CCDC3: variants seen among roughly 807,000 people sequenced by gnomAD.
CCDC3 encodes the protein coiled-coil domain containing 3.
Under a neutral mutation model 21.4 loss-of-function variants are expected in CCDC3, and 24 were observed. The ratio of observed to expected loss-of-function variants is 1.12; its 90% CI spans 0.81 to 1.58. CCDC3 has a LOEUF of 1.58. Among genes scored for constraint, CCDC3 ranks in the 40% most tolerant of loss-of-function variants. CCDC3 has a pLI of 0.00. For missense variants in CCDC3, 425 were observed against 360.9 expected (o/e 1.18, Z -1.44); for synonymous variants, 186 against 166.0 (o/e 1.12, Z -0.93).
intron 2 of CCDC3, among the ~76,000 whole-genome samples, chr10:12,925,703 A>G (rs1440121128): frequency 6.6e-6 from 1 of 151,632 alleles, no homozygotes; most frequent in African/African-American, 2.4e-5. Flanking sequence ...GTGTGCACAC[A>G]GCCATTGTAT....
intron 5 of CCDC3, among the ~76,000 whole-genome samples, chr10:13,044,778 G>C (rs191614918): frequency 5.9e-5 from 9 of 152,128 alleles, no homozygotes; most frequent in African/African-American, 2.2e-4. Flanking sequence ...TCTCTGTTTT[G>C]GTTCCATATA....
At chr10:13,066,188 A>T (rs1426618863) in intron 4 of CCDC3, among the ~76,000 whole-genome samples, 2 of 151,752 alleles carry the variant, frequency 1.3e-5, no homozygotes, top group Non-Finnish European at 2.9e-5. Context: ...ACAGGGTCTC[A>T]TTCCCATCAC....
At chr10:13,005,447 C>T (rs778110518), upstream of CCDC3, among the ~76,000 whole-genome samples, 1 of 152,134 alleles carries the variant, frequency 6.6e-6, no homozygotes, top group Non-Finnish European at 1.5e-5. Flanking sequence ...GCACACATGG[C>T]CTTATGTCTA....
At chr10:13,021,142 A>C (rs1429861391) in intron 5 of CCDC3, among the ~76,000 whole-genome samples, 1 of 152,268 alleles carries the variant, frequency 6.6e-6, no homozygotes, top group Admixed American at 6.5e-5. Flanking sequence ...TATTATAGCT[A>C]TAAATGTTCT....
At chr10:12,928,847 C>G (rs1834590127) in intron 2 of CCDC3, among the ~76,000 whole-genome samples, 1 of 152,146 alleles carries the variant, frequency 6.6e-6, no homozygotes, top group African/African-American at 2.4e-5. Context: ...GTCACAGGAT[C>G]ACCATTGAAA....
Position 12,897,575 on chromosome 10 carries a change from A to C in CCDC3, c.*841T>G, listed in dbSNP as rs952081069. The C allele has an allele frequency of 2.0e-5, 3 of 152,182 alleles. No individual in the cohort carries two copies. The highest frequency in any genetic ancestry group is 7.2e-5 in the African/African-American group (3 of 41,432). The allele number at this position is 152,182 out of a possible 1,614,324, so 9.4% of individuals were successfully genotyped here. ...CAGCGTCTTGGAGCACCTCACTTTGAGTTCAGAGACATTAGAAACAATTAC... is the reference window on the plus strand; with the variant it reads ...CAGCGTCTTGGAGCACCTCACTTTGCGTTCAGAGACATTAGAAACAATTAC... On this transcript the variant is annotated 3_prime_UTR_variant, in exon 3 of 3. Coordinates refer to ENST00000378825, the MANE Select transcript of CCDC3 (RefSeq NM_031455.4).
chr10:12,928,332 A>G (rs1273875950), intron 2 of CCDC3, among the ~76,000 whole-genome samples: 1 of 152,216 alleles, frequency 6.6e-6, no homozygotes, highest in Non-Finnish European at 1.5e-5. Context: ...AGAAGAATAC[A>G]ATAAAAAATG....
intron 2 of CCDC3, among the ~76,000 whole-genome samples, chr10:12,932,419 A>T (rs1038168945): frequency 1.8e-5 from 2 of 111,462 alleles, no homozygotes; most frequent in African/African-American, 6.4e-5. Context: ...CACATAATTT[A>T]TTGAATATTG....
chr10:12,910,271 C>T (rs1834247118), intron 2 of CCDC3, among the ~76,000 whole-genome samples: 1 of 152,086 alleles, frequency 6.6e-6, no homozygotes. Context: ...GTGGTTGTGC[C>T]GCTTGCTGGC....
chr10:12,937,842 C>T (rs992219763), intron 2 of CCDC3, among the ~76,000 whole-genome samples: 2 of 152,176 alleles, frequency 1.3e-5, no homozygotes, highest in African/African-American at 4.8e-5. Context: ...CAGTGTCTGC[C>T]ATCATTAAGC....
chr10:13,027,025 T>C (rs1386083739), intron 5 of CCDC3, among the ~76,000 whole-genome samples: 1 of 152,234 alleles, frequency 6.6e-6, no homozygotes, highest in Non-Finnish European at 1.5e-5. Flanking sequence ...CTTGTGGTTT[T>C]GTCACTGTGC....
At chr10:12,980,475 G>C (rs1835479768) in intron 2 of CCDC3, among the ~76,000 whole-genome samples, 1 of 152,202 alleles carries the variant, frequency 6.6e-6, no homozygotes, top group African/African-American at 2.4e-5. Context: ...TGAGAAAGGG[G>C]AGAGCTGAAT....
In CCDC3 at chr10:12,972,956, C is replaced by T. The variant is rs1292890927; in HGVS notation, c.549+25382G>A. On this transcript the variant is annotated intron_variant, in intron 2 of 2. Transcript: ENST00000378825. ...AGGCACGGTTTGAATCCCATGGCTGCAGCTCGTGACCAGGCAGCCTTCTCC... is the reference window on the plus strand; with the variant it reads ...AGGCACGGTTTGAATCCCATGGCTGTAGCTCGTGACCAGGCAGCCTTCTCC... 7.9e-5 allele frequency among the ~76,000 whole-genome samples: 12 copies of T among 152,232 alleles called. 1 individual carries two copies. The South Asian group carries it at 2.5e-3, about 32-fold the overall frequency.
At chr10:13,097,864 C>T (rs1017364689) in intron 3 of CCDC3, among the ~76,000 whole-genome samples, 3 of 152,186 alleles carry the variant, frequency 2.0e-5, no homozygotes, top group African/African-American at 7.2e-5. Context: ...ATCAACTATT[C>T]GATTTTCCTT....
At chr10:12,920,666 T>C (rs112588217) in intron 2 of CCDC3, among the ~76,000 whole-genome samples, 89 of 152,366 alleles carry the variant, frequency 5.8e-4, no homozygotes, top group African/African-American at 1.8e-3. Context: ...TACCAGGCAC[T>C]GTATGAGAAG....
intron 3 of CCDC3, among the ~76,000 whole-genome samples, chr10:13,085,920 T>C (rs1837097337): frequency 6.6e-6 from 1 of 151,246 alleles, no homozygotes; most frequent in Non-Finnish European, 1.5e-5. Context: ...TGAGCCAAAA[T>C]TGTGCAACTG....
intron 2 of CCDC3, among the ~76,000 whole-genome samples, chr10:12,994,950 A>G (rs1342506619): frequency 6.6e-6 from 1 of 151,834 alleles, no homozygotes; most frequent in Non-Finnish European, 1.5e-5. Context: ...GTGTGATGGC[A>G]CATACCTGTA....
chr10:13,033,169 C>A (rs1836328486), intron 5 of CCDC3, among the ~76,000 whole-genome samples: 2 of 151,948 alleles, frequency 1.3e-5, no homozygotes, highest in East Asian at 1.9e-4. Flanking sequence ...CAGAACAGAG[C>A]CCTCAGAAAT....
At chr10:13,027,720 T>TAAA in intron 5 of CCDC3, among the ~76,000 whole-genome samples, 1 of 144,128 alleles carries the variant, frequency 6.9e-6, no homozygotes, top group African/African-American at 2.6e-5. Flanking sequence ...CAAAAAAAAT[T>TAAA]AAAAAAAAAA....
Sources: allele counts gnomAD v4.1 joint callset (sites outside exome capture counted in the v4.1 genomes callset), GRCh38; gene constraint gnomAD v4.1.1; transcripts MANE v1.5; gene names NCBI Gene and HGNC (gene_info 2026-07-23, HGNC 2026-07-21).